MSRB3: variants seen among roughly 807,000 people sequenced by gnomAD.
MSRB3 encodes methionine sulfoxide reductase B3, also known as methionine-R-sulfoxide reductase B3.
In MSRB3, 13 loss-of-function variants were observed where a neutral mutation model predicts 21.0. The observed-to-expected ratio is 0.62, with a 90% CI of 0.40 to 0.98. The LOEUF (loss-of-function observed/expected upper bound fraction) is 0.98. MSRB3 is among the 50% of genes least tolerant of loss of function. The pLI, the probability that MSRB3 is intolerant of heterozygous loss-of-function variation, is 0.00. For missense variants in MSRB3, 199 were observed against 230.3 expected, an observed-to-expected ratio of 0.86 and a Z score of 0.88; for synonymous variants, 87 against 88.6, an observed-to-expected ratio of 0.98 and a Z score of 0.10.
At chr12:65,375,768 A>G (rs1029739740) in intron 5 of MSRB3, among the ~76,000 whole-genome samples, 17 of 150,782 alleles carry the variant, frequency 1.1e-4, no homozygotes, top group African/African-American at 4.1e-4. Flanking sequence ...TGCAGTTTTG[A>G]TTTTCTTTTG....
At chr12:65,395,922 T>C (rs1405902687) in intron 5 of MSRB3, among the ~76,000 whole-genome samples, 1 of 152,220 alleles carries the variant, frequency 6.6e-6, no homozygotes, top group Non-Finnish European at 1.5e-5. Context: ...AGCAAGAGGC[T>C]TATCAATATT....
intron 2 of MSRB3, among the ~76,000 whole-genome samples, chr12:65,319,204 T>A (rs1310292462): frequency 1.3e-5 from 2 of 152,122 alleles, no homozygotes; most frequent in Non-Finnish European, 2.9e-5. Context: ...TTCCCCAATT[T>A]CTCCCTTTTC....
chr12:65,286,537 A>G (rs1324960311), intron 1 of MSRB3: 1 of 152,168 alleles, frequency 6.6e-6, no homozygotes, highest in Non-Finnish European at 1.5e-5. Context: ...GCATGTGAGT[A>G]TACACCTACA....
chr12:65,339,486 T>C (rs1478715066), intron 4 of MSRB3, among the ~76,000 whole-genome samples: 1 of 152,214 alleles, frequency 6.6e-6, no homozygotes, highest in Non-Finnish European at 1.5e-5. Flanking sequence ...ACTTCCACTG[T>C]GGGCTATTTC....
At chr12:65,283,708 C>T (rs1409798727) in intron 1 of MSRB3, 1 of 152,288 alleles carries the variant, frequency 6.6e-6, no homozygotes, top group East Asian at 1.9e-4. Flanking sequence ...GCTAGGATTA[C>T]AGGCATGAGC....
At chr12:65,382,580 A>G (rs1878995348) in intron 5 of MSRB3, among the ~76,000 whole-genome samples, 1 of 151,808 alleles carries the variant, frequency 6.6e-6, no homozygotes, top group Non-Finnish European at 1.5e-5. Context: ...TGCTTTTTCA[A>G]TTATACTACT....
intron 6 of MSRB3, among the ~76,000 whole-genome samples, chr12:65,461,132 G>C (rs959944443): frequency 2.0e-5 from 3 of 152,242 alleles, no homozygotes; most frequent in South Asian, 2.1e-4. Context: ...TAAATGCCAA[G>C]TGATCCAAGT....
At position 65,456,247 on chromosome 12, in the gene MSRB3, A is replaced by T. The variant is rs185732150; in HGVS notation, c.390+2422A>T. On this transcript the variant is annotated intron_variant, in intron 6 of 6. Transcript: ENST00000308259. The stretch of plus-strand genomic sequence containing the variant: ...ATCGTTTTAACTCGTTTTCACTCAG[A>T]ACCCATTTTCAAACATTGAATCTTA... Among the ~76,000 whole-genome samples, 5 of 152,316 alleles carry T rather than the reference A, an allele frequency of 3.3e-5. No individual in the cohort carries two copies. In the East Asian group the frequency reaches 7.7e-4, roughly 23 times the overall value.
intron 6 of MSRB3, 60 bp downstream of exon 6, chr12:65,453,885 A>G (rs759271823): frequency 8.6e-6 from 12 of 1,393,986 alleles, no homozygotes; most frequent in Non-Finnish European, 1.2e-5. Flanking sequence ...GTTGTGCTAA[A>G]TATAGCAACT....
chr12:65,455,674 AAG>A (rs1487853066), intron 6 of MSRB3, among the ~76,000 whole-genome samples: 1 of 152,184 alleles, frequency 6.6e-6, no homozygotes, highest in Non-Finnish European at 1.5e-5. Flanking sequence ...ACAGGTTGAA[AAG>A]AGTCATTAAA....
intron 4 of MSRB3, among the ~76,000 whole-genome samples, chr12:65,342,667 T>C (rs531290165): frequency 1.3e-5 from 2 of 152,144 alleles, no homozygotes; most frequent in Non-Finnish European, 2.9e-5. Context: ...AAGATATAGC[T>C]ACAAGAATGT....
chr12:65,323,465 T>C (rs949200830), intron 2 of MSRB3, among the ~76,000 whole-genome samples: 2 of 152,204 alleles, frequency 1.3e-5, no homozygotes, highest in African/African-American at 4.8e-5. Flanking sequence ...AAATATGTAA[T>C]TGTGTTACAT....
chr12:65,388,644 C>T (rs1879313590), intron 5 of MSRB3, among the ~76,000 whole-genome samples: 2 of 152,040 alleles, frequency 1.3e-5, no homozygotes, highest in South Asian at 4.1e-4. Flanking sequence ...CCTGAGGTGG[C>T]GGATGGCTTG....
intron 5 of MSRB3, among the ~76,000 whole-genome samples, chr12:65,434,151 C>T (rs976412030): frequency 3.3e-5 from 5 of 151,862 alleles, no homozygotes; most frequent in Non-Finnish European, 5.9e-5. Context: ...TAGAATCTTA[C>T]TGTCTGCTTT....
chr12:65,323,595 A>AT (rs1285761733), intron 2 of MSRB3, among the ~76,000 whole-genome samples: 2 of 152,250 alleles, frequency 1.3e-5, no homozygotes, highest in African/African-American at 4.8e-5. Flanking sequence ...CAGATGTCAT[A>AT]TAATACTAAT....
At chr12:65,323,890 A>G (rs1298694050) in intron 2 of MSRB3, among the ~76,000 whole-genome samples, 2 of 152,180 alleles carry the variant, frequency 1.3e-5, no homozygotes, top group African/African-American at 2.4e-5. Context: ...TTATTATTAA[A>G]TGGTGTGGCA....
chr12:65,339,923 C>A (rs1289490572), intron 4 of MSRB3, among the ~76,000 whole-genome samples: 1 of 152,148 alleles, frequency 6.6e-6, no homozygotes. Context: ...ATAGGATGAA[C>A]CCTCTCTGGA....
intron 4 of MSRB3, 44 bp from the exon 5 acceptor site, chr12:65,368,954 T>TACAA (rs758438058): frequency 1.4e-5 from 12 of 878,696 alleles, no homozygotes; most frequent in Non-Finnish European, 1.8e-5. Context: ...ATTGTTCTTT[T>TACAA]ACAAACAGTT....
chr12:65,368,700 T>C lies in MSRB3; in HGVS notation c.264-298T>C, dbSNP rs935622627. ...ATTATCTTACTGAAACAAGTTAATC[T>C]GTAAAGATCAGGTGCCTTTTAAAAA... On this transcript the variant is annotated intron_variant, in intron 4 of 6. Coordinates refer to ENST00000308259, the MANE Select transcript of MSRB3 (RefSeq NM_001031679.3). Among the ~76,000 whole-genome samples, 5 of 152,204 alleles carry C rather than the reference T, an allele frequency of 3.3e-5. No individual in the cohort carries two copies. In the East Asian group the frequency reaches 9.6e-4, roughly 29 times the overall value.
Sources: allele counts gnomAD v4.1 joint callset (sites outside exome capture counted in the v4.1 genomes callset), GRCh38; gene constraint gnomAD v4.1.1; transcripts MANE v1.5; gene names NCBI Gene and HGNC (gene_info 2026-07-23, HGNC 2026-07-21).